The following KCNQ3 variants were observed in gnomAD, a reference collection of about 807,000 sequenced individuals.
KCNQ3 encodes the protein potassium voltage-gated channel subfamily KQT member 3.
In KCNQ3, 30 loss-of-function variants were observed where a neutral mutation model predicts 92.5. The ratio of observed to expected loss-of-function variants is 0.32; its 90% CI spans 0.24 to 0.44. The LOEUF (loss-of-function observed/expected upper bound fraction) is 0.44. Among genes scored for constraint, KCNQ3 ranks in the 20% least tolerant of loss-of-function variants. The pLI is 1.00. For synonymous variants in KCNQ3, 450 were observed against 468.8 expected (o/e 0.96, Z 0.52); for missense variants, 913 against 1,140.3 (o/e 0.80, Z 2.87).
chr8:132,309,422 T>C (rs1563852660), intron 1 of KCNQ3, among the ~76,000 whole-genome samples: 2 of 152,204 alleles, frequency 1.3e-5, no homozygotes, highest in Non-Finnish European at 2.9e-5. Flanking sequence ...TTTATTGACA[T>C]TTGAGTTAGA....
chr8:132,335,317 G>A (rs1028608217), intron 1 of KCNQ3, among the ~76,000 whole-genome samples: 1 of 152,168 alleles, frequency 6.6e-6, no homozygotes, highest in Admixed American at 6.5e-5. Context: ...GGGATTACAG[G>A]TGTGAGTCAC....
chr8:132,339,775 T>C (rs976909464), intron 1 of KCNQ3, among the ~76,000 whole-genome samples: 2 of 152,056 alleles, frequency 1.3e-5, no homozygotes, highest in Admixed American at 6.6e-5. Context: ...TTTCTGACAG[T>C]ATTAGAAAGA....
At chr8:132,234,676 T>A (rs1473869477) in intron 1 of KCNQ3, among the ~76,000 whole-genome samples, 1 of 152,184 alleles carries the variant, frequency 6.6e-6, no homozygotes, top group East Asian at 1.9e-4. Context: ...TTTTTCAGAT[T>A]GAGAAACTAA....
chr8:132,440,079 G>A (rs968675598), intron 1 of KCNQ3, among the ~76,000 whole-genome samples: 4 of 152,148 alleles, frequency 2.6e-5, no homozygotes, highest in Non-Finnish European at 5.9e-5. Flanking sequence ...CTGATACAAT[G>A]CAAATGCTAT....
chr8:132,173,555 T>A (rs1826451411), intron 6 of KCNQ3, among the ~76,000 whole-genome samples: 1 of 152,116 alleles, frequency 6.6e-6, no homozygotes, highest in African/African-American at 2.4e-5. Flanking sequence ...ACTAACCCAA[T>A]TAAGTCTCGG....
At chr8:132,248,099 C>T (rs1017910279) in intron 1 of KCNQ3, among the ~76,000 whole-genome samples, 4 of 152,134 alleles carry the variant, frequency 2.6e-5, no homozygotes, top group African/African-American at 9.7e-5. Flanking sequence ...GTTCTATTAA[C>T]TGCCATTAAC....
At chr8:132,333,113 G>T (rs1818275043) in intron 1 of KCNQ3, among the ~76,000 whole-genome samples, 1 of 152,128 alleles carries the variant, frequency 6.6e-6, no homozygotes, top group South Asian at 2.1e-4. Flanking sequence ...GGGTTCCATT[G>T]GCATTCATCC....
chr8:132,198,404 A>G (rs960120325), intron 1 of KCNQ3, among the ~76,000 whole-genome samples: 2 of 152,254 alleles, frequency 1.3e-5, no homozygotes. Flanking sequence ...TTTGTTATGC[A>G]GGAATAGATA....
chr8:132,186,952 G>GAC (rs1483168270), intron 1 of KCNQ3, among the ~76,000 whole-genome samples: 1 of 118,610 alleles, frequency 8.4e-6, no homozygotes, highest in Non-Finnish European at 1.8e-5. Flanking sequence ...GAGAGAGAGA[G>GAC]AGACAGAGAG....
At chr8:132,191,905 G>A (rs1038827947) in intron 1 of KCNQ3, among the ~76,000 whole-genome samples, 10 of 152,108 alleles carry the variant, frequency 6.6e-5, no homozygotes, top group African/African-American at 2.4e-4. Flanking sequence ...TGGATAATGT[G>A]CTGTTCGCAG....
intron 1 of KCNQ3, among the ~76,000 whole-genome samples, chr8:132,204,597 C>A (rs1813592520): frequency 6.6e-6 from 1 of 152,178 alleles, no homozygotes; most frequent in Non-Finnish European, 1.5e-5. Context: ...CATCCTCCAC[C>A]CTTCATACAC....
intron 1 of KCNQ3, among the ~76,000 whole-genome samples, chr8:132,450,467 C>T (rs1587032956): frequency 6.6e-6 from 1 of 152,186 alleles, no homozygotes; most frequent in South Asian, 2.1e-4. Context: ...CAAGTCCCCA[C>T]TCGACCCAGG....
intron 1 of KCNQ3, among the ~76,000 whole-genome samples, chr8:132,228,016 T>C (rs1814489597): frequency 6.6e-6 from 1 of 151,862 alleles, no homozygotes; most frequent in Non-Finnish European, 1.5e-5. Flanking sequence ...AAATCCAACA[T>C]GATTGTGTTT....
At chr8:132,332,623 C>T (rs1031079601) in intron 1 of KCNQ3, among the ~76,000 whole-genome samples, 10 of 152,228 alleles carry the variant, frequency 6.6e-5, no homozygotes, top group Admixed American at 2.0e-4. Context: ...GTTCTCAAAT[C>T]CTTCTCTGTC....
intron 1 of KCNQ3, among the ~76,000 whole-genome samples, chr8:132,434,607 C>G (rs1821344977): frequency 6.6e-6 from 1 of 152,182 alleles, no homozygotes; most frequent in Non-Finnish European, 1.5e-5. Flanking sequence ...AGAAGTTAAA[C>G]TATTTTTGGA....
chr8:132,448,164 T>G (rs1821729527), intron 1 of KCNQ3, among the ~76,000 whole-genome samples: 1 of 152,200 alleles, frequency 6.6e-6, no homozygotes. Flanking sequence ...GCAGCTGTCA[T>G]GCCATCTTAT....
chr8:132,404,609 AT>A (rs1202362611), intron 1 of KCNQ3, among the ~76,000 whole-genome samples: 2 of 152,108 alleles, frequency 1.3e-5, no homozygotes, highest in Non-Finnish European at 2.9e-5. Context: ...AGGGTTTCAG[AT>A]TTGCCTAGCC....
Position 132,257,122 on chromosome 8 carries a change from A to C in KCNQ3, c.387-70941T>G, listed in dbSNP as rs189748976. Reference sequence around the variant, plus strand: ...GCACAAAGAAGAGAAGAGAGAATGGAGCTATATAGGAGCAAAATTTTTTTG... The same window carrying C: ...GCACAAAGAAGAGAAGAGAGAATGGCGCTATATAGGAGCAAAATTTTTTTG... On this transcript the variant is annotated intron_variant, in intron 1 of 14. Transcript: ENST00000388996. 6.6e-5 allele frequency among the ~76,000 whole-genome samples: 10 copies of C among 152,320 alleles called. No individual in the cohort carries two copies. The East Asian group carries it at 1.2e-3, about 18-fold the overall frequency.
intron 4 of KCNQ3, among the ~76,000 whole-genome samples, chr8:132,178,946 TAA>T (rs1240714248): frequency 1.4e-5 from 2 of 147,918 alleles, no homozygotes; most frequent in East Asian, 4.0e-4. Flanking sequence ...GGGTTCCTAT[TAA>T]AAGAGACCTA....
Sources: allele counts gnomAD v4.1 joint callset (sites outside exome capture counted in the v4.1 genomes callset), GRCh38; gene constraint gnomAD v4.1.1; transcripts MANE v1.5; gene names NCBI Gene and HGNC (gene_info 2026-07-23, HGNC 2026-07-21).